Variants in CEP78 observed in about 807,000 individuals in gnomAD.
CEP78 encodes the protein centrosomal protein 78.
A neutral mutation model predicts 81.2 loss-of-function variants in CEP78; 76 were observed. That is an observed-to-expected ratio of 0.94 (90% CI 0.78 to 1.13). CEP78 has a LOEUF of 1.13. Ranked by LOEUF, CEP78 falls within the 50% of genes most tolerant of loss-of-function variation. The pLI, the probability that CEP78 is intolerant of heterozygous loss-of-function variation, is 0.00. For synonymous variants in CEP78, 293 were observed against 301.4 expected (o/e 0.97, Z 0.29); for missense variants, 918 against 846.8 (o/e 1.08, Z -1.04).
chr9:78,266,287 CTAAGT>C (rs1448685114), intron 15 of CEP78, among the ~76,000 whole-genome samples, 150 bp from the exon 16 acceptor site: 1 of 151,936 alleles, frequency 6.6e-6, no homozygotes, highest in Admixed American at 6.6e-5. Flanking sequence ...CTGGCTATAG[CTAAGT>C]TAAGTTGGCA....
In CEP78 at chr9:78,262,898, T is replaced by G. The variant is rs1587602541; in HGVS notation, c.1381-9T>G. On this transcript the variant is annotated splice_polypyrimidine_tract_variant and intron_variant, in intron 11 of 16. Transcript: ENST00000643273. ...TAATTATAATATTTACTTTATTACTTAATACTAGGAAAAACTGGAGGAGTG... is the reference window on the plus strand; with the variant it reads ...TAATTATAATATTTACTTTATTACTGAATACTAGGAAAAACTGGAGGAGTG... 1 of 1,475,864 alleles carries G rather than the reference T, an allele frequency of 6.8e-7. No individual in the cohort carries two copies. Among genetic ancestry groups the G allele is most frequent in the African/African-American group, 1.4e-5 (1 of 71,086 alleles). 91.4% of individuals were successfully genotyped at this position (1,475,864 alleles called of 1,614,324 possible).
At chr9:78,242,826 C>A (rs892213468) in intron 4 of CEP78, among the ~76,000 whole-genome samples, 7 of 152,030 alleles carry the variant, frequency 4.6e-5, no homozygotes, top group African/African-American at 1.7e-4. Flanking sequence ...CTCAAACCAC[C>A]AATTTCCGAA....
At chr9:78,249,789 A>G (rs981030125) in intron 8 of CEP78, 14 of 152,318 alleles carry the variant, frequency 9.2e-5, no homozygotes, top group Non-Finnish European at 1.9e-4. Context: ...CTTGTAAGTA[A>G]CTTTGAATTT....
chr9:78,253,508 T>A lies in CEP78; in HGVS notation c.1251+231T>A, dbSNP rs576823410. The A allele has an allele frequency of 7.9e-5, 34 of 431,634 alleles. No individual in the cohort carries two copies. The East Asian group carries it at 1.1e-3, about 14-fold the overall frequency. 26.7% of individuals were successfully genotyped at this position (431,634 alleles called of 1,614,324 possible). A position where few individuals can be genotyped will look rare whatever the true frequency, so the allele number is the denominator to read the frequency against. On this transcript the variant is annotated intron_variant, in intron 10 of 16. Coordinates refer to ENST00000643273, the MANE Select transcript of CEP78 (RefSeq NM_001330691.3). ...GTAGACAGGAAGTCATTTCTCTGGG[T>A]CCACAAATCAGCTGTTGCCTCCAGC...
In CEP78 at chr9:78,236,571, A is replaced by G. The variant is rs748836436; in HGVS notation, c.221A>G (p.Lys74Arg). Residue 74 changes from lysine (K) to arginine (R), a missense_variant, in exon 1 of 17, where the codon AAG (lysine) becomes AGG (arginine). Transcript: ENST00000643273. Reference sequence around the variant, plus strand: ...AAAGACCTGCCCTTGGTCTCCATCAAGAGCTTCTTCCAGCCCTGGCTGGGG... The same window carrying G: ...AAAGACCTGCCCTTGGTCTCCATCAGGAGCTTCTTCCAGCCCTGGCTGGGG... ...INKDLPLVSIKSFFQPWLGDT... is the reference protein window; with the variant it reads ...INKDLPLVSIRSFFQPWLGDT... 3.2e-6 allele frequency: 5 copies of G among 1,567,908 alleles called. No homozygotes were observed. The highest frequency in any genetic ancestry group is 1.9e-5 in the Admixed American group (1 of 53,248).
In CEP78 at chr9:78,236,383, C is replaced by G; in HGVS notation, c.33C>G (p.Ser11Arg). ...ACTCCGTGAAGCTGCGCCGCGACAGCGCGGCGGACTTCTTCTCCCACTACG... is the reference window on the plus strand; with the variant it reads ...ACTCCGTGAAGCTGCGCCGCGACAGGGCGGCGGACTTCTTCTCCCACTACG... MIDSVKLRRDSAADFFSHYEY... is the reference protein window; with the variant it reads MIDSVKLRRDRAADFFSHYEY... Residue 11 changes from serine to arginine, a missense_variant, in exon 1 of 17, where the codon AGC becomes AGG. By Grantham distance (110) the Ser-to-Arg change is moderately radical. Coordinates refer to ENST00000643273, the MANE Select transcript of CEP78 (RefSeq NM_001330691.3). 6.3e-7 allele frequency: 1 copy of G among 1,589,232 alleles called. No individual in the cohort carries two copies. The highest frequency in any genetic ancestry group is 8.5e-7 in the Non-Finnish European group (1 of 1,169,948).
At chr9:78,245,170 A>C (rs1826420037) in intron 5 of CEP78, among the ~76,000 whole-genome samples, 1 of 151,720 alleles carries the variant, frequency 6.6e-6, no homozygotes. Flanking sequence ...TTAGGGCTTC[A>C]TAGAATATTC....
intron 1 of CEP78, among the ~76,000 whole-genome samples, chr9:78,238,787 G>T (rs984412885): frequency 6.6e-6 from 1 of 152,086 alleles, no homozygotes; most frequent in African/African-American, 2.4e-5. Flanking sequence ...AGGTGCGGTG[G>T]CTCACACTGG....
At chr9:78,266,970 C>T in intron 16 of CEP78, 3 of 1,400,908 alleles carry the variant, frequency 2.1e-6, no homozygotes, top group Non-Finnish European at 2.8e-6. Flanking sequence ...TTTTGAATTT[C>T]AAGAAAGCAT....
intron 16 of CEP78, chr9:78,266,904 A>G: frequency 2.8e-6 from 4 of 1,430,568 alleles, no homozygotes; most frequent in Non-Finnish European, 3.6e-6. Context: ...ATCCAAGACA[A>G]ATAAAAGTAA....
intron 1 of CEP78, among the ~76,000 whole-genome samples, chr9:78,239,103 G>T (rs1280488913): frequency 6.6e-6 from 1 of 151,620 alleles, no homozygotes; most frequent in East Asian, 1.9e-4. Flanking sequence ...TGCACTGAAT[G>T]TAAGAAAAAT....
intron 1 of CEP78, among the ~76,000 whole-genome samples, chr9:78,238,591 C>G (rs1229539086): frequency 6.6e-6 from 1 of 151,916 alleles, no homozygotes; most frequent in Non-Finnish European, 1.5e-5. Context: ...AACAACCTGA[C>G]CACTTGTCGT....
rs1827851337 is a variant in CEP78 at position 78,278,699 on chromosome 9, T to C, written c.*7848T>C. On this transcript the variant is annotated 3_prime_UTR_variant, in exon 17 of 17. Coordinates refer to ENST00000643273, the MANE Select transcript of CEP78 (RefSeq NM_001330691.3). ...CTACTCGTGGGGCAATGCAAGTCTT[T>C]CCCACATTTGTTTTATTTTATGGCT... The C allele has an allele frequency of 6.6e-6, 1 of 152,216 alleles. No homozygotes were observed. The highest frequency in any genetic ancestry group is 2.4e-5 in the African/African-American group (1 of 41,452). 9.4% of individuals were successfully genotyped at this position (152,216 alleles called of 1,614,324 possible). A position where few individuals can be genotyped will look rare whatever the true frequency, so the allele number is the denominator to read the frequency against.
At chr9:78,239,197 A>G (rs937958731) in intron 1 of CEP78, among the ~76,000 whole-genome samples, 3 of 151,976 alleles carry the variant, frequency 2.0e-5, no homozygotes, top group African/African-American at 7.2e-5. Context: ...GTAGATTTTA[A>G]CCTCCTACAT....
chr9:78,269,274 T>G (rs1020316446), intron 16 of CEP78, among the ~76,000 whole-genome samples: 4 of 152,130 alleles, frequency 2.6e-5, no homozygotes, highest in African/African-American at 9.7e-5. Context: ...TTTCTGTGAC[T>G]AAGGTTGGGT....
At chr9:78,241,672 A>G in intron 3 of CEP78, 24 bp from the exon 4 acceptor site, 1 of 1,110,578 alleles carries the variant, frequency 9.0e-7, no homozygotes, top group Non-Finnish European at 1.4e-6. Flanking sequence ...ATCTTATTGT[A>G]TGTGGTTTTT....
rs1347615124 is a variant in CEP78 at position 78,275,698 on chromosome 9, A to C, written c.*4847A>C. 6.6e-6 allele frequency: 1 copy of C among 152,090 alleles called. No homozygotes were observed. The highest frequency in any genetic ancestry group is 1.5e-5 in the Non-Finnish European group (1 of 68,046). The allele number at this position is 152,090 out of a possible 1,614,324, so 9.4% of individuals were successfully genotyped here. ...GTAATCCCAGCACTTTGGGACACCA[A>C]AGTGGGAACATTGCTGAGACCAGCA... On this transcript the variant is annotated 3_prime_UTR_variant, in exon 17 of 17. Transcript: ENST00000643273.
chr9:78,243,436 A>G, intron 4 of CEP78, 26 bp from the exon 5 acceptor site: 3 of 1,596,366 alleles, frequency 1.9e-6, no homozygotes, highest in South Asian at 1.1e-5. Flanking sequence ...CAAGTGTATT[A>G]ATTTCATCTT....
At chr9:78,257,630 G>A (rs567512836) in intron 11 of CEP78, among the ~76,000 whole-genome samples, 16 of 151,910 alleles carry the variant, frequency 1.1e-4, no homozygotes, top group African/African-American at 3.6e-4. Context: ...AAAGAGGGAA[G>A]GAGGGAATCA....
Sources: allele counts gnomAD v4.1 joint callset (sites outside exome capture counted in the v4.1 genomes callset), GRCh38; gene constraint gnomAD v4.1.1; transcripts MANE v1.5; gene names NCBI Gene and HGNC (gene_info 2026-07-23, HGNC 2026-07-21).